CDH12: variants seen among roughly 807,000 people sequenced by gnomAD.
CDH12 encodes cadherin 12, also known as cadherin-12.
In CDH12, 41 loss-of-function variants were observed where a neutral mutation model predicts 74.1. The ratio of observed to expected loss-of-function variants is 0.55; its 90% confidence interval spans 0.43 to 0.72. The LOEUF is 0.72. CDH12 is among the 30% of genes least tolerant of loss of function. The pLI, the probability that CDH12 is intolerant of heterozygous loss-of-function variation, is 0.00. For synonymous variants in CDH12, 399 were observed against 355.0 expected (o/e 1.12, Z -1.39); for missense variants, 945 against 977.2 (o/e 0.97, Z 0.44).
At chr5:22,058,013 C>G (rs1158032763) in intron 5 of CDH12, among the ~76,000 whole-genome samples, 1 of 144,474 alleles carries the variant, frequency 6.9e-6, no homozygotes, top group Non-Finnish European at 1.5e-5. Flanking sequence ...ATCTATCTAT[C>G]TATCTATCTA....
intron 1 of CDH12, among the ~76,000 whole-genome samples, chr5:22,846,891 T>C (rs753286622): frequency 6.6e-6 from 1 of 152,172 alleles, no homozygotes; most frequent in African/African-American, 2.4e-5. Flanking sequence ...ATATAAAAAT[T>C]AATTGTCAGC....
At chr5:22,565,103 T>C (rs538286132) in intron 1 of CDH12, among the ~76,000 whole-genome samples, 12 of 152,194 alleles carry the variant, frequency 7.9e-5, no homozygotes, top group African/African-American at 2.4e-4. Flanking sequence ...GCCCAGCTGA[T>C]TTTTGTATTC....
chr5:21,830,199 CAAA>C (rs1055199877), intron 8 of CDH12, among the ~76,000 whole-genome samples: 464 of 25,102 alleles, frequency 0.018, no homozygotes, highest in African/African-American at 0.039. Context: ...AACTCCTTCT[CAAA>C]AAAAAAAAAA....
intron 1 of CDH12, among the ~76,000 whole-genome samples, chr5:22,704,807 C>A (rs1341399155): frequency 6.6e-6 from 1 of 151,854 alleles, no homozygotes. Context: ...CTGTGGCTTT[C>A]ACTTTTTGGA....
chr5:22,614,707 A>C (rs1737601723), intron 1 of CDH12, among the ~76,000 whole-genome samples: 2 of 152,138 alleles, frequency 1.3e-5, no homozygotes, highest in African/African-American at 4.8e-5. Flanking sequence ...CTCCTTTTCC[A>C]ACTAATCCAT....
intron 6 of CDH12, among the ~76,000 whole-genome samples, chr5:21,917,576 C>A (rs918311676): frequency 3.3e-5 from 5 of 152,112 alleles, no homozygotes; most frequent in Non-Finnish European, 7.4e-5. Flanking sequence ...GAGAGAAAAT[C>A]ATCGAGTCTA....
intron 4 of CDH12, among the ~76,000 whole-genome samples, chr5:22,148,330 C>G (rs982855327): frequency 2.0e-4 from 30 of 152,070 alleles, no homozygotes; most frequent in African/African-American, 7.2e-4. Flanking sequence ...GTAATCTTCA[C>G]AGTTTTCTGA....
intron 5 of CDH12, among the ~76,000 whole-genome samples, chr5:22,003,539 G>C (rs191516497): frequency 1.3e-5 from 2 of 152,142 alleles, no homozygotes; most frequent in Non-Finnish European, 2.9e-5. Context: ...TTTTGAAAGG[G>C]CCTCAATTAC....
intron 1 of CDH12, among the ~76,000 whole-genome samples, chr5:22,695,628 T>G (rs536672982): frequency 6.6e-6 from 1 of 152,342 alleles, no homozygotes; most frequent in Non-Finnish European, 1.5e-5. Context: ...TATTCTAAAT[T>G]TTCTAGTTTC....
At chr5:21,762,635 G>C (rs1744788867) in intron 12 of CDH12, among the ~76,000 whole-genome samples, 1 of 151,958 alleles carries the variant, frequency 6.6e-6, no homozygotes, top group Admixed American at 6.6e-5. Flanking sequence ...ATATATTTTA[G>C]AATAAGAGCC....
intron 4 of CDH12, among the ~76,000 whole-genome samples, chr5:22,139,990 A>G (rs1435042600): frequency 6.6e-6 from 1 of 152,080 alleles, no homozygotes; most frequent in African/African-American, 2.4e-5. Context: ...TTGATGAAAC[A>G]AATGGAAGGC....
intron 5 of CDH12, among the ~76,000 whole-genome samples, chr5:22,057,428 G>T (rs1025912868): frequency 4.6e-5 from 7 of 152,092 alleles, no homozygotes; most frequent in Non-Finnish European, 1.0e-4. Context: ...GCAAATTAAA[G>T]GATGCTCAGC....
chr5:22,447,984 T>TGAAAA (rs1744889730), intron 2 of CDH12, among the ~76,000 whole-genome samples: 1 of 18,636 alleles, frequency 5.4e-5, no homozygotes, highest in African/African-American at 2.7e-4. Context: ...CTACAAGAAA[T>TGAAAA]TAAAAAAAAA....
intron 5 of CDH12, among the ~76,000 whole-genome samples, chr5:22,060,186 G>T (rs1246073956): frequency 6.6e-6 from 1 of 152,054 alleles, no homozygotes; most frequent in African/African-American, 2.4e-5. Context: ...GATGAAGCTG[G>T]ACACCATCAT....
chr5:22,823,323 T>A (rs1188682428), intron 1 of CDH12, among the ~76,000 whole-genome samples: 2 of 152,082 alleles, frequency 1.3e-5, no homozygotes, highest in Non-Finnish European at 2.9e-5. Flanking sequence ...GCATGGCACA[T>A]GTATACATAT....
At chr5:22,129,617 C>T (rs1746072138) in intron 4 of CDH12, among the ~76,000 whole-genome samples, 1 of 152,120 alleles carries the variant, frequency 6.6e-6, no homozygotes, top group Admixed American at 6.6e-5. Context: ...CGGGCATGCT[C>T]TTTCATCTAT....
chr5:22,760,787 A>G (rs145661419), intron 1 of CDH12, among the ~76,000 whole-genome samples: 3 of 151,830 alleles, frequency 2.0e-5, no homozygotes, highest in South Asian at 2.1e-4. Context: ...TTTCAAAATG[A>G]TATCTTAAAC....
chr5:21,994,736 T>C (rs2910540), intron 5 of CDH12, among the ~76,000 whole-genome samples: 7,678 of 152,202 alleles, frequency 0.05, 535 homozygotes, highest in African/African-American at 0.16. Flanking sequence ...CTGGTGAGAC[T>C]TGGAGAACTT....
chr5:22,776,735 T>C (rs1279151727), intron 1 of CDH12, among the ~76,000 whole-genome samples: 1 of 152,220 alleles, frequency 6.6e-6, no homozygotes, highest in African/African-American at 2.4e-5. Context: ...AAATTTGGTA[T>C]GTATCTTACT....
Sources: allele counts gnomAD v4.1 joint callset (sites outside exome capture counted in the v4.1 genomes callset), GRCh38; gene constraint gnomAD v4.1.1; transcripts MANE v1.5; gene names NCBI Gene and HGNC (gene_info 2026-07-23, HGNC 2026-07-21).